Variants in ACTL8 observed in about 807,000 individuals in gnomAD.
ACTL8 encodes the protein actin-like protein 8.
ACTL8 carries 3 observed loss-of-function variants against 9.3 expected under a neutral mutation model. The observed-to-expected ratio is 0.32, with a 90% CI of 0.15 to 0.83. The LOEUF (loss-of-function observed/expected upper bound fraction) is 0.83. ACTL8 is among the 40% of genes least tolerant of loss of function. The pLI, the probability that ACTL8 is intolerant of heterozygous loss-of-function variation, is 0.57. For synonymous variants in ACTL8, 224 were observed against 205.9 expected (o/e 1.09, Z -0.75); for missense variants, 381 against 492.2 (o/e 0.77, Z 2.14).
intron 1 of ACTL8, among the ~76,000 whole-genome samples, chr1:17,760,189 C>T (rs143009707): frequency 6.6e-6 from 1 of 152,250 alleles, no homozygotes; most frequent in African/African-American, 2.4e-5. Context: ...GAAGGCCAGG[C>T]CACAGGGCTT....
chr1:17,768,927 T>C (rs940031729), intron 1 of ACTL8, among the ~76,000 whole-genome samples: 1 of 152,178 alleles, frequency 6.6e-6, no homozygotes, highest in African/African-American at 2.4e-5. Flanking sequence ...CACTGCTTCA[T>C]GACATCCCTC....
chr1:17,822,479 T>G (rs1222862734), intron 1 of ACTL8, among the ~76,000 whole-genome samples: 1 of 152,224 alleles, frequency 6.6e-6, no homozygotes, highest in Non-Finnish European at 1.5e-5. Context: ...TCCCTGTAGC[T>G]GCTGCCATGC....
chr1:17,804,519 C>T (rs1020118955), intron 1 of ACTL8, among the ~76,000 whole-genome samples: 4 of 151,964 alleles, frequency 2.6e-5, no homozygotes, highest in East Asian at 1.9e-4. Flanking sequence ...GGGGAGGCAA[C>T]GAGGACACAG....
chr1:17,816,687 A>T (rs1379718933), intron 1 of ACTL8, among the ~76,000 whole-genome samples: 4 of 152,158 alleles, frequency 2.6e-5, no homozygotes, highest in African/African-American at 9.7e-5. Context: ...TGAGTTCAGT[A>T]CAAAGGCCTG....
chr1:17,778,945 C>T (rs533373583), intron 1 of ACTL8, among the ~76,000 whole-genome samples: 10 of 152,054 alleles, frequency 6.6e-5, no homozygotes, highest in Non-Finnish European at 1.5e-4. Context: ...GACACAGGCC[C>T]GACCCGGGTC....
intron 1 of ACTL8, among the ~76,000 whole-genome samples, chr1:17,768,104 A>G (rs867606653): frequency 1.1e-4 from 16 of 145,096 alleles, no homozygotes; most frequent in Admixed American, 1.4e-4. Flanking sequence ...CTTGTATCTG[A>G]AGTTGGGCCA....
intron 1 of ACTL8, among the ~76,000 whole-genome samples, chr1:17,766,658 A>C (rs2066046519): frequency 6.6e-6 from 1 of 152,136 alleles, no homozygotes. Flanking sequence ...CCCACTTTAC[A>C]GATGAGGAAA....
In ACTL8 at chr1:17,755,509, G is replaced by A. The variant is rs768976444; in HGVS notation, c.-25+5G>A. On this transcript the variant is annotated splice_donor_5th_base_variant and intron_variant, in intron 1 of 2. Coordinates refer to ENST00000375406, the MANE Select transcript of ACTL8 (RefSeq NM_030812.3). Reference sequence around the variant, plus strand: ...ATCTTACAGGGCAGATTTCTGGTACGTTCTAAAAGTTGAATTTCTAACTTT... The same window carrying A: ...ATCTTACAGGGCAGATTTCTGGTACATTCTAAAAGTTGAATTTCTAACTTT... 4 of 151,158 alleles carry A rather than the reference G, an allele frequency of 2.6e-5. No homozygotes were observed. Among genetic ancestry groups the A allele is most frequent in the Non-Finnish European group, 4.4e-5 (3 of 67,932 alleles). The allele number at this position is 151,158 out of a possible 1,614,324, so 9.4% of individuals were successfully genotyped here.
At chr1:17,785,778 C>T (rs2066192898) in intron 1 of ACTL8, among the ~76,000 whole-genome samples, 1 of 152,150 alleles carries the variant, frequency 6.6e-6, no homozygotes, top group African/African-American at 2.4e-5. Flanking sequence ...TTCCTTGTTG[C>T]ATAACAAATG....
intron 1 of ACTL8, among the ~76,000 whole-genome samples, chr1:17,805,996 G>C (rs1195451720): frequency 6.6e-6 from 1 of 152,178 alleles, no homozygotes; most frequent in African/African-American, 2.4e-5. Context: ...CCTGGACATT[G>C]GTGTATCCAT....
chr1:17,799,807 C>A (rs1021138038), intron 1 of ACTL8, among the ~76,000 whole-genome samples: 3 of 152,160 alleles, frequency 2.0e-5, no homozygotes, highest in Non-Finnish European at 4.4e-5. Flanking sequence ...TTTCTCTGTA[C>A]TGTAAATCAG....
intron 1 of ACTL8, among the ~76,000 whole-genome samples, chr1:17,805,164 G>A (rs927339322): frequency 3.3e-5 from 5 of 152,000 alleles, no homozygotes; most frequent in Non-Finnish European, 7.4e-5. Flanking sequence ...CAGGGCCTTT[G>A]CATTTGCCCA....
chr1:17,816,052 A>C (rs1444211216), intron 1 of ACTL8, among the ~76,000 whole-genome samples: 1 of 152,234 alleles, frequency 6.6e-6, no homozygotes, highest in African/African-American at 2.4e-5. Context: ...AAGTAAATCA[A>C]GCTGGTTAAC....
chr1:17,804,046 C>T (rs1478760524), intron 1 of ACTL8, among the ~76,000 whole-genome samples: 1 of 152,148 alleles, frequency 6.6e-6, no homozygotes, highest in East Asian at 1.9e-4. Context: ...TCAAAGAAAA[C>T]AAGGAAATTG....
chr1:17,821,864 G>T (rs1240944466), intron 1 of ACTL8, among the ~76,000 whole-genome samples: 3 of 152,198 alleles, frequency 2.0e-5, no homozygotes, highest in Non-Finnish European at 4.4e-5. Context: ...GACCTCAGGT[G>T]ATCTGGCCGC....
intron 1 of ACTL8, among the ~76,000 whole-genome samples, chr1:17,812,147 C>T (rs2066397221): frequency 6.6e-6 from 1 of 152,054 alleles, no homozygotes. Flanking sequence ...TGTGAGCTAC[C>T]ACACCCAGCT....
At chr1:17,762,004 A>G (rs1447944824) in intron 1 of ACTL8, among the ~76,000 whole-genome samples, 3 of 152,038 alleles carry the variant, frequency 2.0e-5, no homozygotes, top group African/African-American at 7.2e-5. Flanking sequence ...TGGATCCCAG[A>G]TGCTCCTGCC....
chr1:17,793,773 C>G (rs779472364), intron 1 of ACTL8, among the ~76,000 whole-genome samples: 11 of 152,158 alleles, frequency 7.2e-5, no homozygotes, highest in Admixed American at 1.3e-4. Context: ...CCCTGACAAC[C>G]TCCACCTCCC....
At chr1:17,756,395 G>T (rs912492679) in intron 1 of ACTL8, among the ~76,000 whole-genome samples, 1 of 152,154 alleles carries the variant, frequency 6.6e-6, no homozygotes, top group African/African-American at 2.4e-5. Flanking sequence ...TTCTTAGCGG[G>T]GGGTTGTTTA....
Sources: allele counts gnomAD v4.1 joint callset (sites outside exome capture counted in the v4.1 genomes callset), GRCh38; gene constraint gnomAD v4.1.1; transcripts MANE v1.5; gene names NCBI Gene and HGNC (gene_info 2026-07-23, HGNC 2026-07-21).